ADAD1: variants seen among roughly 807,000 people sequenced by gnomAD.
ADAD1 encodes adenosine deaminase domain containing 1, also known as adenosine deaminase domain-containing protein 1.
A neutral mutation model predicts 66.8 loss-of-function variants in ADAD1; 46 were observed. The ratio of observed to expected loss-of-function variants is 0.69; its 90% CI spans 0.54 to 0.88. ADAD1 has a LOEUF of 0.88. ADAD1 is among the 40% of genes least tolerant of loss of function. The pLI is 0.00. For synonymous variants in ADAD1, 248 were observed against 229.4 expected (o/e 1.08, Z -0.73); for missense variants, 617 against 681.8 (o/e 0.91, Z 1.06).
At chr4:122,426,837 T>A (rs1797261400) in intron 12 of ADAD1, among the ~76,000 whole-genome samples, 1 of 152,184 alleles carries the variant, frequency 6.6e-6, no homozygotes, top group Non-Finnish European at 1.5e-5. Flanking sequence ...CTTCCTCACC[T>A]TCATAAAGGG....
chr4:122,411,201 A>C (rs1796449169), intron 8 of ADAD1, 21 bp from the exon 9 acceptor site: 2 of 1,553,568 alleles, frequency 1.3e-6, no homozygotes, highest in South Asian at 1.2e-5. Flanking sequence ...TTACTTGACA[A>C]AATTATAACA....
intron 1 of ADAD1, 28 bp from the exon 2 acceptor site, chr4:122,379,344 C>T (rs1244645287): frequency 1.3e-5 from 2 of 152,356 alleles, no homozygotes; most frequent in Non-Finnish European, 1.5e-5. Flanking sequence ...GCCTCGAACG[C>T]CTGCGATGGT....
chr4:122,413,965 T>C (rs1428996393), intron 10 of ADAD1, among the ~76,000 whole-genome samples: 1 of 149,034 alleles, frequency 6.7e-6, no homozygotes, highest in Non-Finnish European at 1.5e-5. Context: ...TTTCAGATCC[T>C]TTTGAATGAA....
At chr4:122,403,048 G>C (rs1205450552) in intron 7 of ADAD1, among the ~76,000 whole-genome samples, 1 of 152,122 alleles carries the variant, frequency 6.6e-6, no homozygotes, top group Non-Finnish European at 1.5e-5. Context: ...GAACTTTTGG[G>C]GGTGTTACAG....
At chr4:122,381,215 A>C in intron 4 of ADAD1, 35 bp downstream of exon 4, 1 of 1,515,916 alleles carries the variant, frequency 6.6e-7, no homozygotes, top group Non-Finnish European at 8.8e-7. Flanking sequence ...CAAAAACAAA[A>C]CGAAAAGTAT....
chr4:122,422,956 T>TAAAAAAAAAAAAAAAAA, intron 12 of ADAD1, among the ~76,000 whole-genome samples: 1 of 97,192 alleles, frequency 1.0e-5, no homozygotes, highest in Non-Finnish European at 2.0e-5. Flanking sequence ...TATTTCTCTT[T>TAAAAAAAAAAAAAAAAA]AAAAAAAAAA....
intron 8 of ADAD1, among the ~76,000 whole-genome samples, chr4:122,410,854 G>A (rs1796436190): frequency 6.6e-6 from 1 of 152,134 alleles, no homozygotes; most frequent in Admixed American, 6.6e-5. Flanking sequence ...ATAGAAGTAA[G>A]GCAGAAAGTT....
intron 9 of ADAD1, 99 bp downstream of exon 9, chr4:122,411,491 G>T (rs116392967): frequency 8.3e-7 from 1 of 1,206,970 alleles, no homozygotes; most frequent in Non-Finnish European, 1.2e-6. Flanking sequence ...CTAATTACCC[G>T]TATTTTCTCT....
chr4:122,409,927 C>G lies in ADAD1; in HGVS notation c.849-1295C>G, dbSNP rs373206751. On this transcript the variant is annotated intron_variant, in intron 8 of 12. Transcript: ENST00000296513. ...GACCTCCTGACCTTGTGATCTGCCC[C>G]CCTCGGCCTCCCAAAATGCTGGGAT... Among the ~76,000 whole-genome samples, 65 of 152,134 alleles carry G rather than the reference C, an allele frequency of 4.3e-4. 1 individual carries two copies. In the South Asian group the frequency reaches 6.6e-3, roughly 16 times the overall value.
intron 7 of ADAD1, among the ~76,000 whole-genome samples, chr4:122,397,353 A>G (rs1234419676): frequency 2.0e-5 from 3 of 152,192 alleles, no homozygotes; most frequent in Admixed American, 6.5e-5. Flanking sequence ...CAGTTCTGCT[A>G]TTTAAATTAC....
At chr4:122,381,217 G>A (rs748037730) in intron 4 of ADAD1, 37 bp downstream of exon 4, 8 of 1,505,180 alleles carry the variant, frequency 5.3e-6, no homozygotes, top group South Asian at 2.7e-5. Flanking sequence ...AAAACAAAAC[G>A]AAAAGTATAG....
intron 11 of ADAD1, among the ~76,000 whole-genome samples, chr4:122,417,704 C>G (rs1243558403): frequency 6.6e-6 from 1 of 152,124 alleles, no homozygotes; most frequent in African/African-American, 2.4e-5. Flanking sequence ...TAAAATGTAC[C>G]TAGTCCTCAA....
chr4:122,419,100 T>C (rs1264655160), intron 11 of ADAD1, among the ~76,000 whole-genome samples: 1 of 152,204 alleles, frequency 6.6e-6, no homozygotes, highest in East Asian at 1.9e-4. Context: ...GCAGCACTAT[T>C]CACAATAGCA....
chr4:122,401,573 G>A (rs1294197832), intron 7 of ADAD1, among the ~76,000 whole-genome samples: 2 of 152,128 alleles, frequency 1.3e-5, no homozygotes, highest in Non-Finnish European at 2.9e-5. Flanking sequence ...TTGATGACCT[G>A]TGTAGTGTTG....
intron 4 of ADAD1, among the ~76,000 whole-genome samples, chr4:122,382,117 A>G (rs1370779909): frequency 6.6e-6 from 1 of 152,192 alleles, no homozygotes; most frequent in African/African-American, 2.4e-5. Flanking sequence ...CCGTGTAACT[A>G]GTTAGCTTTC....
intron 5 of ADAD1, among the ~76,000 whole-genome samples, chr4:122,384,596 T>C (rs559870999): frequency 2.0e-4 from 31 of 152,310 alleles, no homozygotes; most frequent in African/African-American, 7.2e-4. Flanking sequence ...TTACAAAGTA[T>C]TTAAAATACT....
chr4:122,399,333 T>G (rs1299286306), intron 7 of ADAD1, among the ~76,000 whole-genome samples: 1 of 152,152 alleles, frequency 6.6e-6, no homozygotes, highest in Non-Finnish European at 1.5e-5. Flanking sequence ...GTTCCATTAT[T>G]CTGCGTGCCT....
At chr4:122,379,938 C>T in intron 2 of ADAD1, 124 bp from the exon 3 acceptor site, 1 of 922,298 alleles carries the variant, frequency 1.1e-6, no homozygotes. Flanking sequence ...GGATTTGACT[C>T]TAGTCATCTG....
At chr4:122,393,719 C>T in intron 6 of ADAD1, 62 bp downstream of exon 6, 1 of 1,295,032 alleles carries the variant, frequency 7.7e-7, no homozygotes, top group African/African-American at 1.5e-5. Flanking sequence ...ATAGTAACAA[C>T]ATAATTAAAA....
Sources: allele counts gnomAD v4.1 joint callset (sites outside exome capture counted in the v4.1 genomes callset), GRCh38; gene constraint gnomAD v4.1.1; transcripts MANE v1.5; gene names NCBI Gene and HGNC (gene_info 2026-07-23, HGNC 2026-07-21).